RBFOX1: variants seen among roughly 807,000 people sequenced by gnomAD.
RBFOX1 encodes the protein RNA binding protein fox-1 homolog 1.
Under a neutral mutation model 57.7 loss-of-function variants are expected in RBFOX1, and 8 were observed. The ratio of observed to expected loss-of-function variants is 0.14; its 90% confidence interval spans 0.08 to 0.25. The LOEUF (loss-of-function observed/expected upper bound fraction) is 0.25. Among genes scored for constraint, RBFOX1 ranks in the 10% least tolerant of loss-of-function variants. The pLI is 1.00. For synonymous variants in RBFOX1, 326 were observed against 222.4 expected (o/e 1.47, Z -4.15); for missense variants, 611 against 548.5 (o/e 1.11, Z -1.14).
At chr16:6,302,151 G>A (rs2078894050) in intron 1 of RBFOX1, among the ~76,000 whole-genome samples, 1 of 151,968 alleles carries the variant, frequency 6.6e-6, no homozygotes, top group Non-Finnish European at 1.5e-5. Context: ...TATGAAGAAA[G>A]TATTGCCCAA....
chr16:6,719,844 G>A (rs541020964), intron 3 of RBFOX1, among the ~76,000 whole-genome samples: 83 of 152,140 alleles, frequency 5.5e-4, no homozygotes, highest in African/African-American at 1.9e-3. Flanking sequence ...TGTAATCTCA[G>A]CACTTTGGGA....
intron 13 of RBFOX1, among the ~76,000 whole-genome samples, chr16:7,676,369 T>G (rs532968519): frequency 6.6e-6 from 1 of 152,320 alleles, no homozygotes; most frequent in African/African-American, 2.4e-5. Flanking sequence ...TAAGAACTGT[T>G]TGAATAAAAT....
At chr16:7,257,995 A>T (rs2094765090) in intron 4 of RBFOX1, among the ~76,000 whole-genome samples, 1 of 152,078 alleles carries the variant, frequency 6.6e-6, no homozygotes, top group Non-Finnish European at 1.5e-5. Context: ...TATCGACACA[A>T]CTCTGACATT....
intron 4 of RBFOX1, among the ~76,000 whole-genome samples, chr16:5,895,315 C>G (rs1226656113): frequency 6.6e-6 from 1 of 152,092 alleles, no homozygotes; most frequent in Non-Finnish European, 1.5e-5. Context: ...GTAGAAAATC[C>G]CAGGAAATGG....
intron 4 of RBFOX1, among the ~76,000 whole-genome samples, chr16:7,376,064 G>A (rs1005599311): frequency 3.3e-5 from 5 of 152,134 alleles, no homozygotes; most frequent in Non-Finnish European, 7.3e-5. Flanking sequence ...GTTCTGAAAA[G>A]TACATTGTAA....
chr16:6,094,492 A>G (rs186632101), intron 1 of RBFOX1, among the ~76,000 whole-genome samples: 3 of 152,344 alleles, frequency 2.0e-5, no homozygotes, highest in Admixed American at 6.5e-5. Flanking sequence ...CATGCTCACT[A>G]GACATTAGAA....
rs529942580 is a variant in RBFOX1 at position 7,033,644 on chromosome 16, C to A, written c.-15-18413C>A. Among the ~76,000 whole-genome samples, 4 of 152,228 alleles carry A rather than the reference C, an allele frequency of 2.6e-5. No homozygotes were observed. The East Asian group carries it at 7.8e-4, about 30-fold the overall frequency. On this transcript the variant is annotated intron_variant, in intron 3 of 15. Transcript: ENST00000550418. ...TCCCTGTGGGGCAACTTAACAGAAA[C>A]AAAAGCAGATGAGGAAGGGAGGCTG...
At chr16:5,631,043 C>T (rs2048490356) in intron 3 of RBFOX1, among the ~76,000 whole-genome samples, 1 of 152,186 alleles carries the variant, frequency 6.6e-6, no homozygotes, top group Admixed American at 6.5e-5. Flanking sequence ...AGGTTGTCCA[C>T]AACAGATGGC....
chr16:5,661,264 C>T (rs569078106), intron 3 of RBFOX1, among the ~76,000 whole-genome samples: 29 of 152,248 alleles, frequency 1.9e-4, no homozygotes, highest in African/African-American at 3.4e-4. Context: ...ATATGACATA[C>T]GCTATATACT....
rs369383968 is a variant in RBFOX1 at position 7,157,349 on chromosome 16, C to T, written c.27+105251C>T. ...AGAAAACATGTGTAATATGAGATACCATTTCAATTTGGCAATAAATGTATG... is the reference window on the plus strand; with the variant it reads ...AGAAAACATGTGTAATATGAGATACTATTTCAATTTGGCAATAAATGTATG... On this transcript the variant is annotated intron_variant, in intron 4 of 15. Coordinates refer to ENST00000550418, the MANE Select transcript of RBFOX1 (RefSeq NM_018723.4). Among the ~76,000 whole-genome samples the T allele has an allele frequency of 4.0e-5, 6 of 151,894 alleles. No individual in the cohort carries two copies. The East Asian group carries it at 7.7e-4, about 19-fold the overall frequency.
At chr16:5,418,269 A>G (rs749959008) in intron 1 of RBFOX1, among the ~76,000 whole-genome samples, 3 of 151,862 alleles carry the variant, frequency 2.0e-5, no homozygotes, top group Non-Finnish European at 4.4e-5. Flanking sequence ...ATGTTGAGTG[A>G]TAATGGCAAG....
At chr16:6,897,193 T>C (rs895061341) in intron 3 of RBFOX1, among the ~76,000 whole-genome samples, 3 of 152,164 alleles carry the variant, frequency 2.0e-5, no homozygotes, top group African/African-American at 7.2e-5. Context: ...ACACAGGTTG[T>C]TTTCCAGAAC....
chr16:7,544,525 T>C (rs1406766617), intron 5 of RBFOX1, among the ~76,000 whole-genome samples: 2 of 151,994 alleles, frequency 1.3e-5, no homozygotes, highest in Non-Finnish European at 2.9e-5. Flanking sequence ...AGGTAAGAAG[T>C]CCAAGGGGCA....
chr16:6,242,429 A>G (rs750004877), intron 1 of RBFOX1, among the ~76,000 whole-genome samples: 5 of 151,700 alleles, frequency 3.3e-5, no homozygotes, highest in African/African-American at 9.7e-5. Context: ...GGATCTCACT[A>G]TGTTGCCCAG....
At chr16:6,211,185 C>CCATGAGACAGAGTGTTTCCTTA (rs1426493154) in intron 1 of RBFOX1, among the ~76,000 whole-genome samples, 1 of 123,218 alleles carries the variant, frequency 8.1e-6, no homozygotes, top group Non-Finnish European at 1.7e-5. Context: ...GTGTTTTCTT[C>CCATGAGACAGAGTGTTTCCTTA]TTCTTTTTTT....
At chr16:6,040,271 A>G (rs2095421823) in intron 1 of RBFOX1, among the ~76,000 whole-genome samples, 1 of 152,206 alleles carries the variant, frequency 6.6e-6, no homozygotes, top group African/African-American at 2.4e-5. Context: ...ATACATTCAT[A>G]TTGTTGCGCA....
At chr16:7,580,719 C>T (rs1056440810) in intron 6 of RBFOX1, among the ~76,000 whole-genome samples, 2 of 152,208 alleles carry the variant, frequency 1.3e-5, no homozygotes, top group Admixed American at 6.5e-5. Flanking sequence ...TTTGGGAAGA[C>T]ATGAGTTTGC....
intron 2 of RBFOX1, among the ~76,000 whole-genome samples, chr16:6,344,335 G>A (rs757730481): frequency 5.3e-5 from 8 of 151,456 alleles, no homozygotes; most frequent in Admixed American, 1.3e-4. Context: ...ACAAGCATGA[G>A]CCACCATGCC....
intron 2 of RBFOX1, among the ~76,000 whole-genome samples, chr16:5,470,461 T>G (rs2069097770): frequency 6.6e-6 from 1 of 152,210 alleles, no homozygotes; most frequent in Non-Finnish European, 1.5e-5. Context: ...TTAACCCAGA[T>G]ACACATGCAC....
Sources: allele counts gnomAD v4.1 joint callset (sites outside exome capture counted in the v4.1 genomes callset), GRCh38; gene constraint gnomAD v4.1.1; transcripts MANE v1.5; gene names NCBI Gene and HGNC (gene_info 2026-07-23, HGNC 2026-07-21).